Variants in MAEA observed in about 807,000 individuals in gnomAD.
The protein encoded by MAEA is macrophage erythroblast attacher, E3 ubiquitin ligase.
In MAEA, 22 loss-of-function variants were observed where a neutral mutation model predicts 46.2. The ratio of observed to expected loss-of-function variants is 0.48; its 90% CI spans 0.34 to 0.68. The LOEUF (loss-of-function observed/expected upper bound fraction) is 0.68, where lower values mean the gene tolerates loss of function less well. Among genes scored for constraint, MAEA ranks in the 30% least tolerant of loss-of-function variants. MAEA has a pLI of 0.01. For synonymous variants in MAEA, 246 were observed against 222.6 expected (o/e 1.11, Z -0.94); for missense variants, 393 against 558.1 (o/e 0.70, Z 2.98).
intron 3 of MAEA, among the ~76,000 whole-genome samples, chr4:1,321,500 A>G (rs1577200681): frequency 6.6e-6 from 1 of 152,374 alleles, no homozygotes; most frequent in South Asian, 2.1e-4. Context: ...CAAGAAAACA[A>G]CGTTATGAGG....
At chr4:1,334,051 C>T (rs1246950257) in intron 6 of MAEA, among the ~76,000 whole-genome samples, 1 of 36,378 alleles carries the variant, frequency 2.7e-5, no homozygotes, top group Non-Finnish European at 5.4e-5. Context: ...TGTGCTCACC[C>T]CTGCACCCAC....
chr4:1,309,499 G>A, intron 1 of MAEA: 3 of 1,339,348 alleles, frequency 2.2e-6, no homozygotes, highest in Non-Finnish European at 2.9e-6. Context: ...TGGGTCAGCA[G>A]CTGCCCTGCT....
intron 3 of MAEA, among the ~76,000 whole-genome samples, chr4:1,319,276 C>G (rs1363179269): frequency 1.3e-5 from 2 of 152,070 alleles, no homozygotes; most frequent in African/African-American, 4.8e-5. Flanking sequence ...TCACTTGAGC[C>G]CAGGAGGTGG....
At chr4:1,319,420 A>G (rs1737722722) in intron 3 of MAEA, among the ~76,000 whole-genome samples, 2 of 152,128 alleles carry the variant, frequency 1.3e-5, no homozygotes, top group Non-Finnish European at 2.9e-5. Context: ...GATGGTTTCT[A>G]GTTTCAGTTG....
intron 1 of MAEA, among the ~76,000 whole-genome samples, chr4:1,304,837 G>A (rs936588185): frequency 6.6e-6 from 1 of 152,116 alleles, no homozygotes; most frequent in African/African-American, 2.4e-5. Context: ...TTTGTACTAT[G>A]GCTACTAGAA....
intron 3 of MAEA, among the ~76,000 whole-genome samples, chr4:1,320,352 A>G (rs1560364195): frequency 6.6e-6 from 1 of 151,906 alleles, no homozygotes; most frequent in Non-Finnish European, 1.5e-5. Flanking sequence ...ATCAAAGCAA[A>G]CATGCAAGAA....
At chr4:1,302,407 A>G (rs1735402883) in intron 1 of MAEA, among the ~76,000 whole-genome samples, 1 of 152,256 alleles carries the variant, frequency 6.6e-6, no homozygotes, top group Non-Finnish European at 1.5e-5. Flanking sequence ...TTTGCCAGTC[A>G]TATATCTGTT....
At chr4:1,299,701 G>A (rs1735128907) in intron 1 of MAEA, 1 of 152,326 alleles carries the variant, frequency 6.6e-6, no homozygotes, top group Non-Finnish European at 1.5e-5. Flanking sequence ...TTCCACAGAT[G>A]TCCATGGTCC....
intron 3 of MAEA, among the ~76,000 whole-genome samples, chr4:1,321,289 A>G (rs1338563929): frequency 6.6e-6 from 1 of 152,184 alleles, no homozygotes; most frequent in African/African-American, 2.4e-5. Context: ...AAACGCTATG[A>G]AGGGGCTTTA....
chr4:1,303,415 T>G (rs1356586648), intron 1 of MAEA, among the ~76,000 whole-genome samples: 2 of 48,528 alleles, frequency 4.1e-5, no homozygotes, highest in African/African-American at 8.7e-5. Context: ...AAAAAAAGAA[T>G]GTCATGTCCT....
At position 1,339,075 on chromosome 4, in the gene MAEA, C is replaced by T; in HGVS notation, c.1097C>T (p.Ser366Phe). ...TGCATTCCCGGTTTTATTTTTCAGT[C>T]TCTGCTTTCTATCCGTCAAGATGAT... is the stretch of plus-strand genomic sequence containing the variant. The part of the protein sequence containing the change: ...LPNGYVYGYN[S>F]LLSIRQDDKV... Residue 366 changes from serine (S) to phenylalanine (F), a missense_variant and splice_region_variant, in exon 9 of 9, where the codon TCT becomes TTT. Transcript: ENST00000303400. The T allele has an allele frequency of 1.2e-6, 2 of 1,613,176 alleles. No homozygotes were observed. The highest frequency in any genetic ancestry group is 1.7e-6 in the Non-Finnish European group (2 of 1,179,246).
At chr4:1,297,461 A>ATGTGTG (rs553309107) in intron 1 of MAEA, among the ~76,000 whole-genome samples, 50 of 151,186 alleles carry the variant, frequency 3.3e-4, no homozygotes, top group African/African-American at 1.1e-3. Flanking sequence ...GTACGTGCGT[A>ATGTGTG]TGTGTGTGTG....
intron 1 of MAEA, among the ~76,000 whole-genome samples, chr4:1,310,918 TTC>T (rs1736417838): frequency 1.3e-5 from 2 of 152,218 alleles, no homozygotes; most frequent in African/African-American, 4.8e-5. Flanking sequence ...CTGTCCCTAC[TTC>T]TGGGAAGCCC....
intron 2 of MAEA, among the ~76,000 whole-genome samples, chr4:1,313,124 G>A (rs758454132): frequency 1.4e-4 from 22 of 152,344 alleles, no homozygotes; most frequent in Non-Finnish European, 1.8e-4. Context: ...TGCAGCCTAC[G>A]TTCAGAGGAC....
chr4:1,317,167 G>C (rs13141153), intron 3 of MAEA, among the ~76,000 whole-genome samples: 10 of 32,430 alleles, frequency 3.1e-4, no homozygotes, highest in South Asian at 1.5e-3. Flanking sequence ...CCACACTCCA[G>C]ACTCACCTGC....
At chr4:1,290,767 C>G (rs1426846912) in intron 1 of MAEA, among the ~76,000 whole-genome samples, 1 of 152,210 alleles carries the variant, frequency 6.6e-6, no homozygotes, top group African/African-American at 2.4e-5. Context: ...TCACGTCCGT[C>G]TGAGGACGGA....
At chr4:1,292,755 G>C (rs1277295397) in intron 1 of MAEA, among the ~76,000 whole-genome samples, 1 of 152,172 alleles carries the variant, frequency 6.6e-6, no homozygotes, top group African/African-American at 2.4e-5. Flanking sequence ...ACGGAGGTGT[G>C]GCTCATGAGG....
chr4:1,296,402 C>G (rs1734710826), intron 1 of MAEA, among the ~76,000 whole-genome samples: 1 of 85,380 alleles, frequency 1.2e-5, no homozygotes, highest in African/African-American at 4.8e-5. Context: ...GTCACCCATG[C>G]CATTCCTCAC....
In MAEA at chr4:1,310,652, T is replaced by C. The variant is rs1736375763; in HGVS notation, c.70-1327T>C. ...GCTGGCTGCCATTTGCAAAGCCTCC[T>C]GTGTGGCTGTCTGGTGTGGACGAGA... is the stretch of plus-strand genomic sequence containing the variant. On this transcript the variant is annotated intron_variant, in intron 1 of 8. Coordinates refer to ENST00000303400, the MANE Select transcript of MAEA (RefSeq NM_001017405.3). Among the ~76,000 whole-genome samples the C allele has an allele frequency of 2.0e-5, 3 of 152,232 alleles. No homozygotes were observed. The South Asian group carries it at 6.2e-4, about 32-fold the overall frequency.
Sources: allele counts gnomAD v4.1 joint callset (sites outside exome capture counted in the v4.1 genomes callset), GRCh38; gene constraint gnomAD v4.1.1; transcripts MANE v1.5; gene names NCBI Gene and HGNC (gene_info 2026-07-23, HGNC 2026-07-21).